Variants in HS3ST2 observed in about 807,000 individuals in gnomAD.
The protein encoded by HS3ST2 is heparan sulfate-glucosamine 3-sulfotransferase 2.
In HS3ST2, 17 loss-of-function variants were observed where a neutral mutation model predicts 26.3. The observed-to-expected ratio is 0.65, with a 90% CI of 0.44 to 0.97. HS3ST2 has a LOEUF of 0.97. Ranked by LOEUF, HS3ST2 falls within the 50% of genes least tolerant of loss-of-function variation. The pLI is 0.00. For synonymous variants in HS3ST2, 237 were observed against 219.2 expected (o/e 1.08, Z -0.72); for missense variants, 402 against 501.2 (o/e 0.80, Z 1.89).
chr16:22,891,466 G>A (rs549894160), intron 1 of HS3ST2, among the ~76,000 whole-genome samples: 18 of 128,104 alleles, frequency 1.4e-4, no homozygotes, highest in African/African-American at 4.6e-4. Flanking sequence ...TCCCTTGTAC[G>A]ATCTTCATTT....
chr16:22,870,550 G>C (rs943037360), intron 1 of HS3ST2, among the ~76,000 whole-genome samples: 1 of 152,068 alleles, frequency 6.6e-6, no homozygotes, highest in African/African-American at 2.4e-5. Context: ...CCCAATGCCT[G>C]TTCCTGTTTG....
At chr16:22,818,311 T>G (rs1900905988) in intron 1 of HS3ST2, among the ~76,000 whole-genome samples, 1 of 152,146 alleles carries the variant, frequency 6.6e-6, no homozygotes, top group Non-Finnish European at 1.5e-5. Flanking sequence ...AGAAAGGTGA[T>G]TCTCCCAAGT....
At chr16:22,839,100 A>G (rs1220169138) in intron 1 of HS3ST2, among the ~76,000 whole-genome samples, 3 of 152,206 alleles carry the variant, frequency 2.0e-5, no homozygotes, top group Non-Finnish European at 4.4e-5. Flanking sequence ...GAACATCCTC[A>G]AACACCTGTG....
chr16:22,863,340 C>T (rs150058038), intron 1 of HS3ST2, among the ~76,000 whole-genome samples: 19 of 152,360 alleles, frequency 1.2e-4, no homozygotes, highest in African/African-American at 4.6e-4. Context: ...TCCTCTGATT[C>T]AATGCCCCTC....
At chr16:22,842,597 C>G (rs1485256329) in intron 1 of HS3ST2, among the ~76,000 whole-genome samples, 1 of 152,086 alleles carries the variant, frequency 6.6e-6, no homozygotes, top group African/African-American at 2.4e-5. Flanking sequence ...ATACATTTTG[C>G]TTCCACAATC....
intron 1 of HS3ST2, among the ~76,000 whole-genome samples, chr16:22,822,592 G>A (rs1488619982): frequency 2.6e-5 from 4 of 152,228 alleles, no homozygotes; most frequent in East Asian, 1.9e-4. Flanking sequence ...AGTGGCTGAC[G>A]CCTGTAATCC....
At chr16:22,861,070 C>T (rs1901667566) in intron 1 of HS3ST2, among the ~76,000 whole-genome samples, 1 of 151,910 alleles carries the variant, frequency 6.6e-6, no homozygotes, top group Admixed American at 6.6e-5. Flanking sequence ...AGATATAGGG[C>T]CTCACTATGT....
intron 1 of HS3ST2, among the ~76,000 whole-genome samples, chr16:22,912,273 C>A (rs183819999): frequency 6.6e-6 from 1 of 152,088 alleles, no homozygotes; most frequent in Non-Finnish European, 1.5e-5. Context: ...CATGACCCAA[C>A]GTATGGCCAT....
chr16:22,823,005 T>C (rs1169412501), intron 1 of HS3ST2, among the ~76,000 whole-genome samples: 1 of 152,244 alleles, frequency 6.6e-6, no homozygotes, highest in Non-Finnish European at 1.5e-5. Flanking sequence ...CATAGGTACC[T>C]GTTTTTGTGT....
At chr16:22,821,723 G>T (rs1475370277) in intron 1 of HS3ST2, among the ~76,000 whole-genome samples, 1 of 152,180 alleles carries the variant, frequency 6.6e-6, no homozygotes, top group African/African-American at 2.4e-5. Flanking sequence ...CTGCCACTTT[G>T]TTCTCCTAAT....
chr16:22,840,871 A>T (rs1010205403), intron 1 of HS3ST2, among the ~76,000 whole-genome samples: 1 of 152,086 alleles, frequency 6.6e-6, no homozygotes, highest in Non-Finnish European at 1.5e-5. Context: ...CGTGCAGGTT[A>T]GTTACATATG....
Position 22,831,445 on chromosome 16 carries a change from G to A in HS3ST2, c.485+16350G>A, listed in dbSNP as rs985886826. Among the ~76,000 whole-genome samples the A allele has an allele frequency of 5.9e-5, 9 of 152,264 alleles. No individual in the cohort carries two copies. In the South Asian group the frequency reaches 6.2e-4, roughly 11 times the overall value. ...GATGGGGCATCATGGGAAAGCAAGCGCAGACATGAAGAACTGGAGGAAAAG... is the reference window on the plus strand; with the variant it reads ...GATGGGGCATCATGGGAAAGCAAGCACAGACATGAAGAACTGGAGGAAAAG... On this transcript the variant is annotated intron_variant, in intron 1 of 1. Coordinates refer to ENST00000261374, the MANE Select transcript of HS3ST2 (RefSeq NM_006043.2).
intron 1 of HS3ST2, among the ~76,000 whole-genome samples, chr16:22,888,014 G>T (rs938946098): frequency 1.3e-5 from 2 of 152,186 alleles, no homozygotes; most frequent in Non-Finnish European, 2.9e-5. Flanking sequence ...TTGTTCTTCA[G>T]TTGGGACAAC....
At chr16:22,888,215 G>A (rs1349238219) in intron 1 of HS3ST2, among the ~76,000 whole-genome samples, 5 of 152,020 alleles carry the variant, frequency 3.3e-5, no homozygotes, top group Non-Finnish European at 7.4e-5. Flanking sequence ...TGCTTTTGGA[G>A]TGGGGACAGG....
chr16:22,866,255 A>G (rs1901747744), intron 1 of HS3ST2, among the ~76,000 whole-genome samples: 1 of 152,064 alleles, frequency 6.6e-6, no homozygotes, highest in African/African-American at 2.4e-5. Context: ...AAGAAAACCA[A>G]CTGACAACCT....
At chr16:22,834,506 A>G (rs1354322382) in intron 1 of HS3ST2, among the ~76,000 whole-genome samples, 1 of 152,120 alleles carries the variant, frequency 6.6e-6, no homozygotes, top group Admixed American at 6.6e-5. Context: ...TTGGATAGAT[A>G]TACTATTATT....
At chr16:22,893,634 C>CTTTTTTTTTTTTTTTTT (rs56664558) in intron 1 of HS3ST2, among the ~76,000 whole-genome samples, 2 of 130,276 alleles carry the variant, frequency 1.5e-5, no homozygotes, top group African/African-American at 5.8e-5. Flanking sequence ...TTTTTCTTTT[C>CTTTTTTTTTTTTTTTTT]TTTTTTTTTT....
At chr16:22,913,148 AAGGG>A (rs1187278304) in intron 1 of HS3ST2, among the ~76,000 whole-genome samples, 2,943 of 87,890 alleles carry the variant, frequency 0.033, 131 homozygotes, top group African/African-American at 0.11. Context: ...GGAAGGAAGG[AAGGG>A]AGGGAGGGAG....
intron 1 of HS3ST2, among the ~76,000 whole-genome samples, chr16:22,849,298 T>G (rs1253730355): frequency 1.3e-5 from 2 of 152,194 alleles, no homozygotes; most frequent in Non-Finnish European, 2.9e-5. Flanking sequence ...CTCAATACTC[T>G]CTTTAAAATA....
Sources: allele counts gnomAD v4.1 joint callset (sites outside exome capture counted in the v4.1 genomes callset), GRCh38; gene constraint gnomAD v4.1.1; transcripts MANE v1.5; gene names NCBI Gene and HGNC (gene_info 2026-07-23, HGNC 2026-07-21).